MTCL2: variants seen among roughly 807,000 people sequenced by gnomAD.
MTCL2 encodes the protein microtubule crosslinking factor 2.
At chr20:36,783,408 A>C in the MTCL2 span, 2 of 152,208 alleles carry the variant, frequency 1.3e-5, no homozygotes, top group Admixed American at 6.5e-5. Flanking sequence ...CATAAGAAAC[A>C]TGAGGTTTCC....
the MTCL2 span, among the ~76,000 whole-genome samples, chr20:36,807,644 C>T: frequency 6.6e-6 from 1 of 152,112 alleles, no homozygotes; most frequent in Non-Finnish European, 1.5e-5. Flanking sequence ...TTCTTACATT[C>T]CCAGAGCTCC....
chr20:36,834,995 A>T, the MTCL2 span, among the ~76,000 whole-genome samples: 98 of 141,350 alleles, frequency 6.9e-4, 1 homozygote, highest in Middle Eastern at 3.6e-3. Flanking sequence ...ACCCTGCCTT[A>T]AAAAAAAAAA....
the MTCL2 span, chr20:36,817,558 C>T: frequency 7.5e-7 from 1 of 1,338,104 alleles, no homozygotes. Context: ...TCACAGTGCC[C>T]AGGGTCCAGG....
At chr20:36,794,008 G>A in the MTCL2 span, 38 of 1,551,608 alleles carry the variant, frequency 2.4e-5, no homozygotes, top group African/African-American at 4.1e-5. This position sits in a 1 kb window ranked among gnomAD's most constrained non-coding sequence, Gnocchi z 5.4. Flanking sequence ...CCAGTGAGCC[G>A]GAGCGCATGG....
chr20:36,807,698 A>T, the MTCL2 span, among the ~76,000 whole-genome samples: 1 of 151,846 alleles, frequency 6.6e-6, no homozygotes, highest in South Asian at 2.1e-4. Context: ...CTGTACTATC[A>T]CCAATGTTTT....
the MTCL2 span, among the ~76,000 whole-genome samples, chr20:36,820,884 T>C: frequency 6.0e-4 from 91 of 151,986 alleles, no homozygotes; most frequent in African/African-American, 2.1e-3. Context: ...ACCTGCATTG[T>C]ATGAGACTAG....
chr20:36,860,413 C>T, the MTCL2 span, among the ~76,000 whole-genome samples: 1 of 152,188 alleles, frequency 6.6e-6, no homozygotes, highest in Admixed American at 6.5e-5. Context: ...TGAAAACAGA[C>T]ACCTCATCCT....
chr20:36,829,258 G>A, the MTCL2 span: 2 of 1,535,872 alleles, frequency 1.3e-6, no homozygotes, highest in Middle Eastern at 1.7e-4. Flanking sequence ...GCTGAGGAGA[G>A]CCCCCACTGC....
chr20:36,785,216 G>A, the MTCL2 span: 1 of 985,368 alleles, frequency 1.0e-6, no homozygotes, highest in Non-Finnish European at 1.2e-6. Context: ...AGCTGACCAG[G>A]AGGCCAGGTC....
At chr20:36,852,505 C>T in the MTCL2 span, among the ~76,000 whole-genome samples, 51 of 152,376 alleles carry the variant, frequency 3.3e-4, no homozygotes, top group Non-Finnish European at 6.8e-4. Context: ...ATGCAAAAAA[C>T]TCCGCAGAGC....
At chr20:36,798,320 G>A in the MTCL2 span, among the ~76,000 whole-genome samples, 15 of 152,136 alleles carry the variant, frequency 9.9e-5, no homozygotes, top group South Asian at 8.3e-4. Flanking sequence ...CGCCTGCCTC[G>A]ACTTCCTAAA....
At chr20:36,824,714 G>A in the MTCL2 span, among the ~76,000 whole-genome samples, 2 of 151,346 alleles carry the variant, frequency 1.3e-5, no homozygotes, top group East Asian at 1.9e-4. Context: ...GTACACTGGC[G>A]TGATCTTGGC....
chr20:36,824,619 C>A, the MTCL2 span, among the ~76,000 whole-genome samples: 1 of 151,376 alleles, frequency 6.6e-6, no homozygotes, highest in South Asian at 2.1e-4. Context: ...TACTAAAAAT[C>A]ACTAAATTAT....
chr20:36,778,820 A>C, the MTCL2 span: 1 of 152,318 alleles, frequency 6.6e-6, no homozygotes, highest in Non-Finnish European at 1.5e-5. Flanking sequence ...AGGTAGGAGA[A>C]GTGAAGACAT....
At chr20:36,801,469 GGGAGGCTGAGGTA>G in the MTCL2 span, among the ~76,000 whole-genome samples, 2 of 151,856 alleles carry the variant, frequency 1.3e-5, no homozygotes, top group African/African-American at 4.8e-5. Context: ...CCAGCGACTC[GGGAGGCTGAGGTA>G]GGAGGATGGC....
the MTCL2 span, among the ~76,000 whole-genome samples, chr20:36,812,278 C>A: frequency 1.3e-5 from 2 of 152,216 alleles, no homozygotes; most frequent in African/African-American, 4.8e-5. Context: ...GAGGCACCTT[C>A]ATTTTACATG....
At chr20:36,800,873 G>A in the MTCL2 span, among the ~76,000 whole-genome samples, 1 of 152,112 alleles carries the variant, frequency 6.6e-6, no homozygotes, top group Non-Finnish European at 1.5e-5. Flanking sequence ...CTGGCAGGAG[G>A]GTACATGGGC....
the MTCL2 span, among the ~76,000 whole-genome samples, chr20:36,835,255 G>A: frequency 6.6e-6 from 1 of 152,144 alleles, no homozygotes; most frequent in African/African-American, 2.4e-5. Context: ...CCCCACCGAG[G>A]TTCTGTAGGT....
At chr20:36,851,597 A>G in the MTCL2 span, among the ~76,000 whole-genome samples, 1 of 152,132 alleles carries the variant, frequency 6.6e-6, no homozygotes, top group Admixed American at 6.5e-5. Context: ...CTTCTGCCTC[A>G]AGTCTCCACT....
Sources: allele counts gnomAD v4.1 joint callset (sites outside exome capture counted in the v4.1 genomes callset), GRCh38; gene constraint gnomAD v4.1.1; non-coding constraint Gnocchi (gnomAD v3.1); transcripts MANE v1.5; gene names NCBI Gene and HGNC (gene_info 2026-07-23, HGNC 2026-07-21).